METTL27: variants seen among roughly 807,000 people sequenced by gnomAD.
The protein encoded by METTL27 is methyltransferase like 27, also known as methyltransferase-like protein 27.
METTL27 carries 29 observed loss-of-function variants against 24.5 expected under a neutral mutation model. The ratio of observed to expected loss-of-function variants is 1.18; its 90% confidence interval spans 0.88 to 1.61. The LOEUF (loss-of-function observed/expected upper bound fraction) is 1.61, where lower values mean the gene tolerates loss of function less well. METTL27 is among the 40% of genes most tolerant of loss of function. METTL27 has a pLI of 0.00. For missense variants in METTL27, 341 were observed against 324.3 expected, an observed-to-expected ratio of 1.05 and a Z score of -0.40; for synonymous variants, 138 against 146.8, an observed-to-expected ratio of 0.94 and a Z score of 0.43.
At chr7:73,842,260 C>T (rs1788387775) in intron 1 of METTL27, 116 bp from the exon 2 acceptor site, 4 of 1,456,932 alleles carry the variant, frequency 2.7e-6, no homozygotes. Flanking sequence ...AGCGCGACCC[C>T]TATCCCGGCC....
In METTL27 at chr7:73,835,004, T is replaced by A; in HGVS notation, c.479-2A>T. The A allele has an allele frequency of 6.2e-7, 1 of 1,608,112 alleles. No homozygotes were observed. The highest frequency in any genetic ancestry group is 8.5e-7 in the Non-Finnish European group (1 of 1,178,136). On this transcript the variant is annotated splice_acceptor_variant, in intron 5 of 5. Coordinates refer to ENST00000297873, the MANE Select transcript of METTL27 (RefSeq NM_152559.3). LOFTEE classifies it high-confidence loss of function. Reference sequence around the variant, plus strand: ...TGGTGGTCAGACACACCAGCCCACCTGGGGGAGAGGGGTAGGTGAGGTGGG... The same window carrying A: ...TGGTGGTCAGACACACCAGCCCACCAGGGGGAGAGGGGTAGGTGAGGTGGG...
In METTL27 at chr7:73,834,644, G is replaced by A. The variant is rs1228713553; in HGVS notation, c.*99C>T. 16 of 1,076,874 alleles carry A rather than the reference G, an allele frequency of 1.5e-5. No individual in the cohort carries two copies. The highest frequency in any genetic ancestry group is 9.4e-5 in the African/African-American group (6 of 63,640). The allele number at this position is 1,076,874 out of a possible 1,614,324, so 66.7% of individuals were successfully genotyped here. A position where few individuals can be genotyped will look rare whatever the true frequency, so the allele number is the denominator to read the frequency against. On this transcript the variant is annotated 3_prime_UTR_variant, in exon 6 of 6. Transcript: ENST00000297873. ...CATTTCTGAGGGGCAGGGTTGGTTCGGAGGTCCCATTTTACAGGGGAGGCA... is the reference window on the plus strand; with the variant it reads ...CATTTCTGAGGGGCAGGGTTGGTTCAGAGGTCCCATTTTACAGGGGAGGCA...
chr7:73,841,530 T>C (rs1788355012), intron 2 of METTL27, among the ~76,000 whole-genome samples: 2 of 149,264 alleles, frequency 1.3e-5, no homozygotes, highest in Admixed American at 1.3e-4. Flanking sequence ...TGGAGTGCAG[T>C]GAAGAGATCT....
intron 3 of METTL27, 119 bp from the exon 4 acceptor site, chr7:73,840,668 T>A (rs919872632): frequency 1.2e-5 from 16 of 1,386,436 alleles, no homozygotes; most frequent in South Asian, 3.0e-5. Flanking sequence ...TTGCTTTTTT[T>A]AAATTTTTGA....
intron 3 of METTL27, among the ~76,000 whole-genome samples, chr7:73,840,803 C>A (rs533578025): frequency 6.6e-6 from 1 of 152,142 alleles, no homozygotes; most frequent in African/African-American, 2.4e-5. Flanking sequence ...GGACTACAGG[C>A]GTGCACCACC....
rs1020911250 is a variant in METTL27, at chr7:73,834,635, G to A, written c.*108C>T. 2.2e-6 allele frequency: 2 copies of A among 903,506 alleles called. No homozygotes were observed. Among genetic ancestry groups the A allele is most frequent in the African/African-American group, 1.7e-5 (1 of 60,342 alleles). The allele number at this position is 903,506 out of a possible 1,614,324, so 56.0% of individuals were successfully genotyped here. On this transcript the variant is annotated 3_prime_UTR_variant, in exon 6 of 6. Coordinates refer to ENST00000297873, the MANE Select transcript of METTL27 (RefSeq NM_152559.3). ...TAGGCAGGGCATTTCTGAGGGGCAG[G>A]GTTGGTTCGGAGGTCCCATTTTACA...
intron 5 of METTL27, among the ~76,000 whole-genome samples, chr7:73,835,372 C>T (rs1399440772): frequency 6.9e-6 from 1 of 144,626 alleles, no homozygotes. Flanking sequence ...TGCAGACTCG[C>T]GCCGCCACGC....
At chr7:73,838,709 G>T (rs1417821624) in intron 5 of METTL27, among the ~76,000 whole-genome samples, 1 of 152,120 alleles carries the variant, frequency 6.6e-6, no homozygotes, top group Non-Finnish European at 1.5e-5. Context: ...TGTCTTCTTG[G>T]GCCCAACTTC....
intron 5 of METTL27, among the ~76,000 whole-genome samples, chr7:73,836,040 G>C (rs1420665084): frequency 2.0e-5 from 3 of 147,858 alleles, no homozygotes; most frequent in Admixed American, 2.0e-4. Flanking sequence ...TGGGAAGTGA[G>C]GAGCGTCTCC....
chr7:73,834,825 G>A lies in METTL27; in HGVS notation c.656C>T (p.Pro219Leu), dbSNP rs141298816. ...TGAAGCCATCCTTGGCAGAGATGCC[G>A]GATACCACCTCCAGCTCGGAGGTAG... ...SWLPPSWRWY[P>L]ASLPRMASSP... The change falls in exon 6 of 6, where the codon CCG (proline) becomes CTG (leucine). Residue 219 changes from proline to leucine, a missense_variant. Transcript: ENST00000297873. 1.4e-3 allele frequency: 2,309 copies of A among 1,614,126 alleles called. 6 individuals are homozygous for A. Among genetic ancestry groups the A allele is most frequent in the Middle Eastern group, 0.011 (67 of 6,062 alleles).
At position 73,834,946 on chromosome 7, in the gene METTL27, C is replaced by T. The variant is rs782036803; in HGVS notation, c.535G>A (p.Ala179Thr). ...AGCCTGTCCAGGGTGGCCTCCAGAG[C>T]CTCCTTGTATTGAAGGTTGGACGAG... is the stretch of plus-strand genomic sequence containing the variant. The part of the protein sequence containing the change: ...TNSSNLQYKE[A>T]LEATLDRLEQ... Residue 179 changes from alanine to threonine, a missense_variant, in exon 6 of 6, where the codon GCT becomes ACT. Coordinates refer to ENST00000297873, the MANE Select transcript of METTL27 (RefSeq NM_152559.3). The T allele has an allele frequency of 3.7e-6, 6 of 1,613,942 alleles. No individual in the cohort carries two copies. Among genetic ancestry groups the T allele is most frequent in the Non-Finnish European group, 5.1e-6 (6 of 1,179,980 alleles).
chr7:73,839,841 C>T (rs543498731), intron 5 of METTL27, 190 bp downstream of exon 5: 12 of 522,208 alleles, frequency 2.3e-5, no homozygotes, highest in Non-Finnish European at 4.0e-5. Context: ...GAGCTGGCCA[C>T]CTGTCTGCCC....
At chr7:73,838,845 A>G (rs1191861491) in intron 5 of METTL27, among the ~76,000 whole-genome samples, 2 of 135,290 alleles carry the variant, frequency 1.5e-5, no homozygotes, top group Non-Finnish European at 3.3e-5. Context: ...CGGGAGGGAG[A>G]GGAAGCATTT....
chr7:73,837,724 C>T (rs1437609254), intron 5 of METTL27, among the ~76,000 whole-genome samples: 11 of 151,934 alleles, frequency 7.2e-5, no homozygotes, highest in Admixed American at 6.6e-4. Flanking sequence ...CCACCACGCC[C>T]GGCTATTTTG....
intron 2 of METTL27, 130 bp downstream of exon 2, chr7:73,841,888 G>A (rs1481447170): frequency 3.4e-6 from 5 of 1,473,196 alleles, no homozygotes; most frequent in East Asian, 2.4e-5. Flanking sequence ...GGAAGGGGCA[G>A]GACTGTAGGG....
intron 5 of METTL27, among the ~76,000 whole-genome samples, chr7:73,837,327 TAA>T (rs1788238903): frequency 2.5e-5 from 3 of 118,220 alleles, no homozygotes; most frequent in South Asian, 2.6e-4. Context: ...TAAAAAAAAA[TAA>T]AAAGTCAATC....
chr7:73,838,264 G>T (rs1368345168), intron 5 of METTL27, among the ~76,000 whole-genome samples: 4 of 152,184 alleles, frequency 2.6e-5, no homozygotes, highest in African/African-American at 7.2e-5. Context: ...CAGGAAGAAA[G>T]TTCCCATGTG....
At position 73,840,491 on chromosome 7, in the gene METTL27, T is replaced by C; in HGVS notation, c.311A>G (p.Glu104Gly). Residue 104 changes from glutamate (E) to glycine (G), a missense_variant, in exon 4 of 6, where the codon GAA (glutamate) becomes GGA (glycine). Coordinates refer to ENST00000297873, the MANE Select transcript of METTL27 (RefSeq NM_152559.3). ...ATAGAGGCCGGGGGCCTGGGCCTGT[T>C]CCAGCATCCCTGGGCTCCCATCCAC... ...HGVDGSPGML[E>G]QAQAPGLYQR... 6.2e-7 allele frequency: 1 copy of C among 1,611,270 alleles called. No homozygotes were observed. Among genetic ancestry groups the C allele is most frequent in the Non-Finnish European group, 8.5e-7 (1 of 1,179,274 alleles).
chr7:73,841,916 C>T, intron 2 of METTL27, 102 bp downstream of exon 2: 1 of 1,586,350 alleles, frequency 6.3e-7, no homozygotes, highest in Admixed American at 1.8e-5. Flanking sequence ...CCAGGCCTCA[C>T]TTCGTCCTCA....
Sources: allele counts gnomAD v4.1 joint callset (sites outside exome capture counted in the v4.1 genomes callset), GRCh38; gene constraint gnomAD v4.1.1; transcripts MANE v1.5; gene names NCBI Gene and HGNC (gene_info 2026-07-23, HGNC 2026-07-21).